Variants in ERC2 observed in about 807,000 individuals in gnomAD.
The protein encoded by ERC2 is ELKS/RAB6-interacting/CAST family member 2, also known as ERC protein 2.
In ERC2, 42 loss-of-function variants were observed where a neutral mutation model predicts 114.8. The observed-to-expected ratio is 0.37, with a 90% CI of 0.29 to 0.47. The LOEUF (loss-of-function observed/expected upper bound fraction) is 0.47. Ranked by LOEUF, ERC2 falls within the 20% of genes least tolerant of loss-of-function variation. The pLI, the probability that ERC2 is intolerant of heterozygous loss-of-function variation, is 0.99. For synonymous variants in ERC2, 454 were observed against 425.5 expected, an observed-to-expected ratio of 1.07 and a Z score of -0.82; for missense variants, 939 against 1,150.7, an observed-to-expected ratio of 0.82 and a Z score of 2.66.
intron 15 of ERC2, among the ~76,000 whole-genome samples, chr3:55,726,412 A>G (rs1424120700): frequency 6.6e-6 from 1 of 152,192 alleles, no homozygotes; most frequent in African/African-American, 2.4e-5. Flanking sequence ...GGGAAGCACA[A>G]CCGTGGCTTC....
chr3:55,511,545 T>A (rs1428239366), intron 17 of ERC2, among the ~76,000 whole-genome samples: 1 of 152,198 alleles, frequency 6.6e-6, no homozygotes, highest in Non-Finnish European at 1.5e-5. Flanking sequence ...TGTCTCTTGA[T>A]ATACAAAAAA....
intron 1 of ERC2, among the ~76,000 whole-genome samples, chr3:56,453,237 A>G (rs761849725): frequency 6.6e-5 from 10 of 152,190 alleles, no homozygotes; most frequent in Non-Finnish European, 1.2e-4. Flanking sequence ...AGCAGAAGTA[A>G]CAAATGCCAT....
chr3:55,780,320 G>C (rs1218224668), intron 14 of ERC2, among the ~76,000 whole-genome samples: 1 of 152,140 alleles, frequency 6.6e-6, no homozygotes, highest in East Asian at 1.9e-4. Context: ...TTATGGAAAA[G>C]AGTCAACTAA....
At chr3:55,713,508 C>T (rs2063906721) in intron 15 of ERC2, among the ~76,000 whole-genome samples, 1 of 152,174 alleles carries the variant, frequency 6.6e-6, no homozygotes, top group Admixed American at 6.5e-5. Flanking sequence ...TGAGCCACCG[C>T]TCCTGTCCCT....
chr3:56,222,807 C>G (rs912487486), intron 3 of ERC2, among the ~76,000 whole-genome samples: 1 of 152,192 alleles, frequency 6.6e-6, no homozygotes, highest in Non-Finnish European at 1.5e-5. Flanking sequence ...CTATGGGTCA[C>G]AAAACCATAC....
chr3:56,343,190 T>TCACACACACACACAGA (rs1181595660), intron 2 of ERC2, among the ~76,000 whole-genome samples: 1 of 109,936 alleles, frequency 9.1e-6, no homozygotes, highest in African/African-American at 3.4e-5. Flanking sequence ...TCTCTCTCTC[T>TCACACACACACACAGA]CTCACACACA....
chr3:55,627,883 CTTTTT>C (rs10714648), intron 17 of ERC2, among the ~76,000 whole-genome samples: 4 of 82,570 alleles, frequency 4.8e-5, no homozygotes, highest in Admixed American at 2.8e-4. Context: ...GGACTTGGTG[CTTTTT>C]TTTTTTTTTT....
intron 17 of ERC2, among the ~76,000 whole-genome samples, chr3:55,608,124 A>T (rs1184204899): frequency 6.6e-6 from 1 of 152,224 alleles, no homozygotes; most frequent in Non-Finnish European, 1.5e-5. Flanking sequence ...GGTAGTAAGC[A>T]TGTGGTCATT....
chr3:56,154,212 A>G (rs2081575627), intron 4 of ERC2, among the ~76,000 whole-genome samples: 1 of 152,178 alleles, frequency 6.6e-6, no homozygotes, highest in African/African-American at 2.4e-5. Flanking sequence ...CACTCCAGAA[A>G]GAAGTTGACT....
Position 55,601,963 on chromosome 3 carries a change from C to T in ERC2, c.*39+81831G>A, listed in dbSNP as rs143592560. Among the ~76,000 whole-genome samples, 477 of 152,304 alleles carry T rather than the reference C, an allele frequency of 3.1e-3. 5 individuals carry two copies. The highest frequency in any genetic ancestry group is 0.011 in the African/African-American group (455 of 41,558). On this transcript the variant is annotated intron_variant, in intron 17 of 17. Transcript: ENST00000288221. ...CATCCACTGGGAACTTCCCATGAGCCGGGCTTTGTGTTTTGGCTGCACAGT... is the reference window on the plus strand; with the variant it reads ...CATCCACTGGGAACTTCCCATGAGCTGGGCTTTGTGTTTTGGCTGCACAGT...
chr3:55,668,090 T>C (rs2061423618), intron 17 of ERC2, among the ~76,000 whole-genome samples: 1 of 152,170 alleles, frequency 6.6e-6, no homozygotes, highest in Non-Finnish European at 1.5e-5. Context: ...TCTCTCACTA[T>C]ATACATATAA....
At chr3:56,073,616 A>G (rs1009001422) in intron 7 of ERC2, among the ~76,000 whole-genome samples, 1 of 152,188 alleles carries the variant, frequency 6.6e-6, no homozygotes, top group Non-Finnish European at 1.5e-5. Context: ...CAAGGAGGTC[A>G]GACCTATGTG....
intron 3 of ERC2, among the ~76,000 whole-genome samples, chr3:56,226,442 T>C (rs575202419): frequency 1.4e-4 from 21 of 152,264 alleles, no homozygotes; most frequent in Admixed American, 3.9e-4. Context: ...ACAGGGAAGA[T>C]ACTCAGGAGG....
intron 14 of ERC2, among the ~76,000 whole-genome samples, chr3:55,764,556 C>G (rs2067650776): frequency 6.6e-6 from 1 of 152,324 alleles, no homozygotes; most frequent in South Asian, 2.1e-4. Context: ...TGGCTGTGCT[C>G]TTATTTTGCT....
intron 3 of ERC2, among the ~76,000 whole-genome samples, chr3:56,216,830 G>C (rs1268377172): frequency 6.6e-6 from 1 of 152,180 alleles, no homozygotes; most frequent in East Asian, 1.9e-4. Context: ...TGCAAGGCTG[G>C]TTCAACAAAC....
intron 2 of ERC2, among the ~76,000 whole-genome samples, chr3:56,313,155 A>G (rs1279311234): frequency 3.3e-5 from 5 of 149,478 alleles, no homozygotes; most frequent in African/African-American, 1.2e-4. Context: ...AAAAGAGAGG[A>G]AAATATACCA....
intron 2 of ERC2, among the ~76,000 whole-genome samples, chr3:56,419,985 T>C (rs554477722): frequency 6.6e-6 from 1 of 152,294 alleles, no homozygotes; most frequent in South Asian, 2.1e-4. Flanking sequence ...ATGTGCACTG[T>C]CCAACTCTCC....
intron 3 of ERC2, among the ~76,000 whole-genome samples, chr3:56,239,489 G>T (rs954344593): frequency 6.6e-6 from 1 of 152,160 alleles, no homozygotes; most frequent in Non-Finnish European, 1.5e-5. Context: ...CTGGGCGACA[G>T]AGTGAGTCTC....
At chr3:56,010,364 T>C in intron 9 of ERC2, 85 bp downstream of exon 9, 1 of 1,471,168 alleles carries the variant, frequency 6.8e-7, no homozygotes, top group Non-Finnish European at 9.2e-7. Flanking sequence ...CAGTGCCTCC[T>C]ACTAAGTCTC....
Sources: allele counts gnomAD v4.1 joint callset (sites outside exome capture counted in the v4.1 genomes callset), GRCh38; gene constraint gnomAD v4.1.1; transcripts MANE v1.5; gene names NCBI Gene and HGNC (gene_info 2026-07-23, HGNC 2026-07-21).